HVCN1: variants seen among roughly 807,000 people sequenced by gnomAD.
HVCN1 encodes the protein voltage-gated hydrogen channel 1.
In HVCN1, 14 loss-of-function variants were observed where a neutral mutation model predicts 29.2. The observed-to-expected ratio is 0.48, with a 90% CI of 0.32 to 0.75. The LOEUF (loss-of-function observed/expected upper bound fraction) is 0.75. Among genes scored for constraint, HVCN1 ranks in the 30% least tolerant of loss-of-function variants. The probability of loss-of-function intolerance (pLI) is 0.04; values close to 1 mark genes in which losing one functional copy is unlikely to be tolerated. For synonymous variants in HVCN1, 131 were observed against 133.2 expected (o/e 0.98, Z 0.11); for missense variants, 263 against 341.8 (o/e 0.77, Z 1.82).
At chr12:110,672,727 C>G (rs964558852) in intron 3 of HVCN1, among the ~76,000 whole-genome samples, 2 of 152,078 alleles carry the variant, frequency 1.3e-5, no homozygotes, top group African/African-American at 2.4e-5. Flanking sequence ...AACATGGGGG[C>G]CAATCTTTCC....
At chr12:110,681,701 C>T (rs1462561162) in intron 3 of HVCN1, among the ~76,000 whole-genome samples, 1 of 152,142 alleles carries the variant, frequency 6.6e-6, no homozygotes, top group Admixed American at 6.5e-5. Context: ...CTGACCCTCA[C>T]ATTTGCTTCT....
At chr12:110,701,425 G>A (rs919614689) in intron 2 of HVCN1, among the ~76,000 whole-genome samples, 1 of 152,138 alleles carries the variant, frequency 6.6e-6, no homozygotes, top group East Asian at 1.9e-4. Context: ...TCAGAATCTT[G>A]GGCAGTGAGG....
At position 110,661,536 on chromosome 12, in the gene HVCN1, G is replaced by A; in HGVS notation, c.22-88C>T. On this transcript the variant is annotated intron_variant, in intron 3 of 7. Transcript: ENST00000242607. The surrounding 1 kb of genome is among the most constrained non-coding windows in gnomAD (Gnocchi z 6.2). ...CAGGCCGGGCCAGGCCACTGCAGGT[G>A]AAGATGGTCCCGGGTGCGTAGAACC... The A allele has an allele frequency of 7.6e-7, 1 of 1,312,664 alleles. No homozygotes were observed. The highest frequency in any genetic ancestry group is 1.1e-6 in the Non-Finnish European group (1 of 942,836). 81.3% of individuals were successfully genotyped at this position (1,312,664 alleles called of 1,614,324 possible). A position where few individuals can be genotyped will look rare whatever the true frequency, so the allele number is the denominator to read the frequency against.
chr12:110,692,929 G>C (rs1238848358), upstream of HVCN1, among the ~76,000 whole-genome samples: 1 of 152,066 alleles, frequency 6.6e-6, no homozygotes, highest in Non-Finnish European at 1.5e-5. Context: ...GCAGTGGCTC[G>C]AGCACAGCTC....
chr12:110,674,662 A>T (rs1268962840), intron 3 of HVCN1, among the ~76,000 whole-genome samples: 2 of 152,176 alleles, frequency 1.3e-5, no homozygotes, highest in East Asian at 1.9e-4. Flanking sequence ...TGATGGGTTT[A>T]TCGGGGTTTC....
intron 3 of HVCN1, among the ~76,000 whole-genome samples, chr12:110,664,042 C>T (rs949112956): frequency 7.9e-5 from 12 of 152,138 alleles, no homozygotes; most frequent in South Asian, 2.1e-4. Flanking sequence ...CTCAACCTCC[C>T]GGGTAGTTTG....
chr12:110,649,456 A>G lies in HVCN1; in HGVS notation c.776T>C (p.Leu259Pro). 1 of 1,606,616 alleles carries G rather than the reference A, an allele frequency of 6.2e-7. No individual in the cohort carries two copies. Among genetic ancestry groups the G allele is most frequent in the South Asian group, 1.1e-5 (1 of 90,002 alleles). The change falls in exon 8 of 8, where the codon CTT (leucine) becomes CCT (proline). Residue 259 changes from leucine (L) to proline (P), a missense_variant. Coordinates refer to ENST00000242607, the MANE Select transcript of HVCN1 (RefSeq NM_032369.4). The part of the protein sequence containing the change: ...CSEKEQEIER[L>P]NKLLRQHGLL... ...TCCATGCTGTCGCAATAGTTTGTTAAGTCTTTCAATTTCTTGTTCCTATTG... is the reference window on the plus strand; with the variant it reads ...TCCATGCTGTCGCAATAGTTTGTTAGGTCTTTCAATTTCTTGTTCCTATTG...
intron 1 of HVCN1, among the ~76,000 whole-genome samples, chr12:110,704,643 G>A (rs1448940939): frequency 6.6e-6 from 1 of 152,184 alleles, no homozygotes; most frequent in Non-Finnish European, 1.5e-5. Flanking sequence ...GGGCATCAGA[G>A]TGAGACCCTG....
chr12:110,687,309 C>T (rs1347391128), intron 2 of HVCN1, among the ~76,000 whole-genome samples: 2 of 150,858 alleles, frequency 1.3e-5, no homozygotes, highest in African/African-American at 4.9e-5. Context: ...AGTAAGGGGC[C>T]AGGGAGCAGG....
intron 5 of HVCN1, among the ~76,000 whole-genome samples, chr12:110,653,938 G>A (rs558427229): frequency 6.6e-6 from 1 of 152,310 alleles, no homozygotes; most frequent in South Asian, 2.1e-4. Context: ...GGCTCCATGG[G>A]AGAAAAACCT....
At chr12:110,704,291 C>T (rs929061926) in intron 1 of HVCN1, among the ~76,000 whole-genome samples, 23 of 151,962 alleles carry the variant, frequency 1.5e-4, no homozygotes, top group African/African-American at 5.6e-4. Flanking sequence ...AGAATAATCC[C>T]CAAGATTTAT....
In HVCN1 at chr12:110,661,423, G is replaced by A. The variant is rs1291512351; in HGVS notation, c.47C>T (p.Ala16Val). 9.9e-6 allele frequency: 16 copies of A among 1,614,184 alleles called. No homozygotes were observed. Among genetic ancestry groups the A allele is most frequent in the Non-Finnish European group, 1.4e-5 (16 of 1,179,994 alleles). The change falls in exon 4 of 8, where the codon GCT becomes GTT. Residue 16 changes from alanine to valine, a missense_variant. Ala to Val is a moderately conservative substitution (Grantham distance 64). Transcript: ENST00000242607. This position sits in a 1 kb window ranked among gnomAD's most constrained non-coding sequence, Gnocchi z 6.2. ...GAACTTGCTCATCCTCTCAGCGGGA[G>A]CCACCTTGGCCCTGCGGGTGACTGC... ...EKAVTRRAKV[A>V]PAERMSKFLR...
intron 7 of HVCN1, 143 bp downstream of exon 7, chr12:110,650,025 A>G: frequency 1.8e-6 from 1 of 555,082 alleles, no homozygotes; most frequent in Middle Eastern, 2.9e-4. Flanking sequence ...TTGTATTTTT[A>G]GCAGAGACAG....
intron 3 of HVCN1, among the ~76,000 whole-genome samples, chr12:110,675,198 C>G (rs1489753204): frequency 2.0e-5 from 3 of 152,202 alleles, no homozygotes; most frequent in African/African-American, 7.2e-5. Flanking sequence ...GTGGCTCATA[C>G]CTGTAATCCC....
At chr12:110,682,356 C>A (rs568344601) in intron 3 of HVCN1, among the ~76,000 whole-genome samples, 1 of 152,076 alleles carries the variant, frequency 6.6e-6, no homozygotes, top group Non-Finnish European at 1.5e-5. Context: ...CATGTCACCA[C>A]GCCTGGCTAA....
intron 3 of HVCN1, among the ~76,000 whole-genome samples, chr12:110,666,261 A>T (rs1434455904): frequency 2.0e-5 from 3 of 151,268 alleles, no homozygotes; most frequent in African/African-American, 7.3e-5. Flanking sequence ...TACTAAAAAA[A>T]AATACAAAAA....
intron 3 of HVCN1, among the ~76,000 whole-genome samples, chr12:110,675,212 G>A (rs903225609): frequency 5.3e-5 from 8 of 152,100 alleles, no homozygotes; most frequent in South Asian, 2.1e-4. Flanking sequence ...TAATCCCAGC[G>A]CTTTGGGAGG....
intron 1 of HVCN1, among the ~76,000 whole-genome samples, chr12:110,704,650 C>T (rs912520504): frequency 3.3e-5 from 5 of 152,046 alleles, no homozygotes; most frequent in Non-Finnish European, 7.4e-5. Flanking sequence ...AGAGTGAGAC[C>T]CTGCCTCTAA....
Position 110,661,055 on chromosome 12 carries a change from G to A in HVCN1, c.306+109C>T, listed in dbSNP as rs778658095. The A allele has an allele frequency of 2.3e-4, 241 of 1,064,048 alleles. No individual in the cohort carries two copies. The highest frequency in any genetic ancestry group is 3.2e-4 in the Non-Finnish European group (231 of 719,702). The allele number at this position is 1,064,048 out of a possible 1,614,324, so 65.9% of individuals were successfully genotyped here. A position where few individuals can be genotyped will look rare whatever the true frequency, so the allele number is the denominator to read the frequency against. The stretch of plus-strand genomic sequence containing the variant: ...CGTGGTAGGTGCTGGGCAAACACTC[G>A]TAGAATGAATGAGGCAGTGGCCAAA... On this transcript the variant is annotated intron_variant, in intron 4 of 7. Coordinates refer to ENST00000242607, the MANE Select transcript of HVCN1 (RefSeq NM_032369.4). The surrounding 1 kb of genome is among the most constrained non-coding windows in gnomAD (Gnocchi z 6.2).
Sources: gnomAD v4.1 joint callset for allele counts (sites outside exome capture counted in the v4.1 genomes callset) on GRCh38, gnomAD v4.1.1 for gene constraint, Gnocchi (gnomAD v3.1) non-coding constraint, MANE v1.5 for transcripts, NCBI Gene and HGNC (gene_info 2026-07-23, HGNC 2026-07-21) for gene names.